Variants in CLUL1 observed in about 807,000 individuals in gnomAD.
CLUL1 encodes clusterin like 1.
Under a neutral mutation model 49.4 loss-of-function variants are expected in CLUL1, and 43 were observed. The observed-to-expected ratio is 0.87, with a 90% CI of 0.68 to 1.12. The LOEUF (loss-of-function observed/expected upper bound fraction) is 1.12, where lower values mean the gene tolerates loss of function less well. Among genes scored for constraint, CLUL1 ranks in the 50% most tolerant of loss-of-function variants. The pLI is 0.00. For synonymous variants in CLUL1, 192 were observed against 184.9 expected, an observed-to-expected ratio of 1.04 and a Z score of -0.31; for missense variants, 486 against 544.4, an observed-to-expected ratio of 0.89 and a Z score of 1.07.
At chr18:634,998 C>T (rs1367364177) in intron 7 of CLUL1, among the ~76,000 whole-genome samples, 1 of 152,148 alleles carries the variant, frequency 6.6e-6, no homozygotes, top group East Asian at 1.9e-4. Flanking sequence ...TAATGGCTTA[C>T]AGTAGGAAAT....
intron 2 of CLUL1, among the ~76,000 whole-genome samples, chr18:607,653 C>A (rs1285055525): frequency 6.6e-6 from 1 of 152,102 alleles, no homozygotes; most frequent in Non-Finnish European, 1.5e-5. Context: ...GTCTCAAACT[C>A]CTGGGCTCCA....
intron 1 of CLUL1, among the ~76,000 whole-genome samples, chr18:597,420 A>G (rs1390293664): frequency 6.6e-6 from 1 of 152,196 alleles, no homozygotes; most frequent in Admixed American, 6.5e-5. Context: ...CATCCCTGCA[A>G]AACTACTGGC....
At chr18:641,009 G>A (rs1035146380) in intron 7 of CLUL1, among the ~76,000 whole-genome samples, 5 of 152,088 alleles carry the variant, frequency 3.3e-5, no homozygotes, top group African/African-American at 1.2e-4. Context: ...TGATGTAGAA[G>A]GGGCATAGTA....
intron 2 of CLUL1, among the ~76,000 whole-genome samples, chr18:617,042 A>T (rs2073310270): frequency 6.6e-6 from 1 of 152,254 alleles, no homozygotes; most frequent in Non-Finnish European, 1.5e-5. Context: ...ACTTTATTAA[A>T]GCATACGACT....
intron 9 of CLUL1, among the ~76,000 whole-genome samples, chr18:646,600 G>A (rs2074516470): frequency 6.6e-6 from 1 of 151,898 alleles, no homozygotes; most frequent in South Asian, 2.1e-4. Flanking sequence ...TCAGGGGAGG[G>A]TCGTTCACAT....
At chr18:628,093 C>T (rs1034479525) in intron 6 of CLUL1, among the ~76,000 whole-genome samples, 2 of 152,240 alleles carry the variant, frequency 1.3e-5, no homozygotes. Context: ...TCCCAAAGTG[C>T]TGGGATTGCA....
At chr18:613,877 T>C (rs2092391204) in intron 2 of CLUL1, among the ~76,000 whole-genome samples, 1 of 152,190 alleles carries the variant, frequency 6.6e-6, no homozygotes, top group African/African-American at 2.4e-5. Context: ...CTAAGCAAGA[T>C]AGAGTAGCTG....
chr18:648,678 A>G (rs1170085104), intron 9 of CLUL1, among the ~76,000 whole-genome samples: 1 of 152,112 alleles, frequency 6.6e-6, no homozygotes, highest in Non-Finnish European at 1.5e-5. Flanking sequence ...CAATTTTTTG[A>G]GACAGTCTCT....
At chr18:649,039 T>C (rs879891222) in intron 9 of CLUL1, among the ~76,000 whole-genome samples, 4 of 152,212 alleles carry the variant, frequency 2.6e-5, no homozygotes, top group Non-Finnish European at 5.9e-5. Flanking sequence ...TTATTATTCA[T>C]GAGAATAAAC....
At chr18:624,340 A>G (rs1480728896) in intron 4 of CLUL1, among the ~76,000 whole-genome samples, 1 of 152,180 alleles carries the variant, frequency 6.6e-6, no homozygotes, top group Non-Finnish European at 1.5e-5. Flanking sequence ...CTCGGCAATT[A>G]CAATGTAACT....
intron 7 of CLUL1, among the ~76,000 whole-genome samples, chr18:634,354 G>C (rs548174383): frequency 2.4e-4 from 36 of 152,120 alleles, no homozygotes; most frequent in African/African-American, 8.7e-4. Flanking sequence ...GGCTGGTCTC[G>C]AACTCCTGAC....
chr18:607,503 G>A (rs528150464), intron 2 of CLUL1, among the ~76,000 whole-genome samples: 8 of 152,138 alleles, frequency 5.3e-5, no homozygotes, highest in African/African-American at 1.7e-4. Context: ...GTGCAATCAC[G>A]ATTCAGTGCG....
intron 9 of CLUL1, among the ~76,000 whole-genome samples, chr18:647,976 CA>C (rs1260971588): frequency 6.6e-6 from 1 of 152,176 alleles, no homozygotes; most frequent in African/African-American, 2.4e-5. Flanking sequence ...CTGCCTGGCA[CA>C]GGGCAAACCC....
At chr18:613,424 C>A in intron 2 of CLUL1, 1 of 248,496 alleles carries the variant, frequency 4.0e-6, no homozygotes, top group East Asian at 7.0e-5. Flanking sequence ...AGGCATGAGC[C>A]ACTGTGCCTG....
At chr18:622,847 T>C (rs1359222884) in intron 4 of CLUL1, among the ~76,000 whole-genome samples, 1 of 152,238 alleles carries the variant, frequency 6.6e-6, no homozygotes, top group Admixed American at 6.5e-5. Flanking sequence ...ATTCCTATTA[T>C]TCTTATTTGC....
chr18:606,814 G>A lies in CLUL1; in HGVS notation c.-135-164G>A, dbSNP rs938946625. ...AGATATGATTCTCCCGGAGTGTTTAGAGCAGGAATGTTCTTGGGCATCTGC... is the reference window on the plus strand; with the variant it reads ...AGATATGATTCTCCCGGAGTGTTTAAAGCAGGAATGTTCTTGGGCATCTGC... On this transcript the variant is annotated intron_variant, in intron 1 of 9. Coordinates refer to ENST00000692774, the MANE Select transcript of CLUL1 (RefSeq NM_001393344.1). The surrounding 1 kb of genome is among the most constrained non-coding windows in gnomAD (Gnocchi z 4.1). Among the ~76,000 whole-genome samples the A allele has an allele frequency of 5.3e-5, 8 of 152,134 alleles. No homozygotes were observed. Among genetic ancestry groups the A allele is most frequent in the African/African-American group, 1.9e-4 (8 of 41,426 alleles).
intron 8 of CLUL1, among the ~76,000 whole-genome samples, chr18:641,827 AG>A (rs1401588401): frequency 6.6e-6 from 1 of 152,186 alleles, no homozygotes; most frequent in Non-Finnish European, 1.5e-5. Flanking sequence ...GTAACCTTGA[AG>A]AAATATGGCC....
rs914442637 is a variant in CLUL1 at position 625,106 on chromosome 18, T to C, written c.423+74T>C. On this transcript the variant is annotated intron_variant, in intron 5 of 9. Transcript: ENST00000692774. Reference sequence around the variant, plus strand: ...TTCAGCTTACTTTTTTATTAATTTATGTTAATATTTAGAACGGAGATGCCT... The same window carrying C: ...TTCAGCTTACTTTTTTATTAATTTACGTTAATATTTAGAACGGAGATGCCT... The C allele has an allele frequency of 4.2e-6, 6 of 1,443,196 alleles. No individual in the cohort carries two copies. In the Admixed American group the frequency reaches 8.6e-5, roughly 21 times the overall value. 89.4% of individuals were successfully genotyped at this position (1,443,196 alleles called of 1,614,324 possible).
At chr18:648,659 C>T (rs1418014313) in intron 9 of CLUL1, among the ~76,000 whole-genome samples, 2 of 152,080 alleles carry the variant, frequency 1.3e-5, no homozygotes, top group Admixed American at 1.3e-4. Flanking sequence ...CAAATGCTAA[C>T]TGGCATTTCA....
Sources: allele counts gnomAD v4.1 joint callset (sites outside exome capture counted in the v4.1 genomes callset), GRCh38; gene constraint gnomAD v4.1.1; non-coding constraint Gnocchi (gnomAD v3.1); transcripts MANE v1.5; gene names NCBI Gene and HGNC (gene_info 2026-07-23, HGNC 2026-07-21).